ACSM5: variants seen among roughly 807,000 people sequenced by gnomAD.
ACSM5 encodes the protein acyl-CoA synthetase medium chain family member 5, also known as acyl-coenzyme A synthetase ACSM5, mitochondrial.
Under a neutral mutation model 71.6 loss-of-function variants are expected in ACSM5, and 56 were observed. That is an observed-to-expected ratio of 0.78 (90% confidence interval 0.63 to 0.98). The LOEUF is 0.98. Ranked by LOEUF, ACSM5 falls within the 50% of genes least tolerant of loss-of-function variation. The pLI is 0.00. For synonymous variants in ACSM5, 285 were observed against 281.5 expected, an observed-to-expected ratio of 1.01 and a Z score of -0.12; for missense variants, 723 against 726.0, an observed-to-expected ratio of 1.00 and a Z score of 0.05.
At chr16:20,411,339 G>A in intron 1 of ACSM5, 131 bp from the exon 2 acceptor site, 2 of 708,894 alleles carry the variant, frequency 2.8e-6, no homozygotes, top group Non-Finnish European at 4.7e-6. Flanking sequence ...ACTGAAGGTG[G>A]AGAGTTTATT....
chr16:20,419,435 G>A lies in ACSM5; in HGVS notation c.623G>A (p.Arg208Gln), dbSNP rs149196840. The A allele has an allele frequency of 4.6e-5, 74 of 1,613,796 alleles. No individual in the cohort carries two copies. In the South Asian group the frequency reaches 4.7e-4, roughly 10 times the overall value. Residue 208 changes from arginine (R) to glutamine (Q), a missense_variant and splice_region_variant, in exon 4 of 14, where the codon CGG becomes CAG. Coordinates refer to ENST00000331849, the MANE Select transcript of ACSM5 (RefSeq NM_017888.3). ...TGGTTGAACTTCAGGGAACTCCTCC[G>A]GTGAATTGGGGCTCTCCAGAACAGC... The part of the protein sequence containing the change: ...PGWLNFRELL[R>Q]EASTEHNCMR...
At chr16:20,417,023 C>A (rs377378493) in intron 2 of ACSM5, among the ~76,000 whole-genome samples, 536 of 129,738 alleles carry the variant, frequency 4.1e-3, no homozygotes, top group African/African-American at 4.4e-3. Context: ...AGTGGCATGG[C>A]AAAAAAAAAA....
intron 6 of ACSM5, among the ~76,000 whole-genome samples, chr16:20,425,605 A>G (rs564951021): frequency 6.6e-6 from 1 of 152,084 alleles, no homozygotes; most frequent in Admixed American, 6.5e-5. Flanking sequence ...CCAAGTCCCC[A>G]AAGTCCATTG....
chr16:20,423,637 G>A (rs573785095), intron 5 of ACSM5, among the ~76,000 whole-genome samples: 1 of 152,376 alleles, frequency 6.6e-6, no homozygotes, highest in African/African-American at 2.4e-5. Context: ...AGTGACCTTA[G>A]CACAGAGTAT....
chr16:20,421,100 C>T (rs1200324011), intron 4 of ACSM5, 158 bp from the exon 5 acceptor site: 3 of 807,394 alleles, frequency 3.7e-6, no homozygotes, highest in Non-Finnish European at 3.5e-6. Flanking sequence ...AGTACCTACC[C>T]CATGAGGTGG....
intron 6 of ACSM5, among the ~76,000 whole-genome samples, chr16:20,425,519 G>A (rs983703643): frequency 6.6e-6 from 1 of 152,084 alleles, no homozygotes; most frequent in African/African-American, 2.4e-5. Flanking sequence ...AGATTTTGGT[G>A]CACCCATCAC....
chr16:20,438,780 C>A lies in ACSM5; in HGVS notation c.1537-1020C>A, dbSNP rs1029290594. Among the ~76,000 whole-genome samples the A allele has an allele frequency of 8.0e-5, 12 of 150,428 alleles. No individual in the cohort carries two copies. The East Asian group carries it at 2.4e-3, about 30-fold the overall frequency. ...ATCATCCTGGCTAACACAGTGAAACCCCATCTCTACTAAAAATACTAAAAA... is the reference window on the plus strand; with the variant it reads ...ATCATCCTGGCTAACACAGTGAAACACCATCTCTACTAAAAATACTAAAAA... On this transcript the variant is annotated intron_variant, in intron 12 of 13. Coordinates refer to ENST00000331849, the MANE Select transcript of ACSM5 (RefSeq NM_017888.3).
rs144928537 is a variant in ACSM5, at chr16:20,419,361, C to T, written c.549C>T (p.Cys183=). The T allele has an allele frequency of 3.7e-5, 59 of 1,614,054 alleles. No homozygotes were observed. Among genetic ancestry groups the T allele is most frequent in the Non-Finnish European group, 4.9e-5 (58 of 1,180,036 alleles). ...APRVDAISAE[C]PSLQTKLLVS... is the part of the protein sequence containing the mutation. ...GGGTGGATGCCATCAGTGCCGAATGCCCCTCCCTCCAGACCAAGCTGCTGG... is the reference window on the plus strand; with the variant it reads ...GGGTGGATGCCATCAGTGCCGAATGTCCCTCCCTCCAGACCAAGCTGCTGG... The change falls in exon 4 of 14, where the codon TGC becomes TGT. Residue 183 remains cysteine, a synonymous_variant. Transcript: ENST00000331849.
intron 4 of ACSM5, among the ~76,000 whole-genome samples, chr16:20,420,587 C>T (rs576948801): frequency 2.0e-5 from 3 of 152,076 alleles, no homozygotes; most frequent in African/African-American, 2.4e-5. Context: ...GCAACAAAAG[C>T]GAAACACCAT....
In ACSM5 at chr16:20,431,951, A is replaced by ATAATAATAATAATAATAATAATAAT. The variant is rs1212880644; in HGVS notation, c.1308+630_1308+631insTAATAATAATAATAATAATAATAAT. Among the ~76,000 whole-genome samples the ATAATAATAATAATAATAATAATAAT allele has an allele frequency of 9.5e-4, 135 of 141,474 alleles. 6 individuals are homozygous for ATAATAATAATAATAATAATAATAAT. Among genetic ancestry groups the ATAATAATAATAATAATAATAATAAT allele is most frequent in the East Asian group, 6.0e-3 (28 of 4,640 alleles). The allele number at this position is 141,474 out of a possible 152,430, so 92.8% of individuals were successfully genotyped here. A position where few individuals can be genotyped will look rare whatever the true frequency, so the allele number is the denominator to read the frequency against. ...GGGAACGAGACTCCGTATCAAAAAAAAAAAATAATAATAATAATAAAATAA... is the reference window on the plus strand; with the variant it reads ...GGGAACGAGACTCCGTATCAAAAAAATAATAATAATAATAATAATAATAATAAAAATAATAATAATAATAAAATAA... On this transcript the variant is annotated intron_variant, in intron 10 of 13. Transcript: ENST00000331849.
intron 7 of ACSM5, 79 bp downstream of exon 7, chr16:20,427,946 T>G: frequency 9.8e-7 from 1 of 1,021,270 alleles, no homozygotes; most frequent in Non-Finnish European, 1.5e-6. Flanking sequence ...ACAACTACCC[T>G]CTCATTCCAA....
chr16:20,412,782 A>C (rs1173127622), intron 2 of ACSM5, among the ~76,000 whole-genome samples: 4 of 152,254 alleles, frequency 2.6e-5, no homozygotes, highest in Non-Finnish European at 5.9e-5. Flanking sequence ...AAAGCTGGAG[A>C]ATACAAAACT....
At chr16:20,415,349 T>G (rs1173345848) in intron 2 of ACSM5, among the ~76,000 whole-genome samples, 1 of 152,146 alleles carries the variant, frequency 6.6e-6, no homozygotes, top group Non-Finnish European at 1.5e-5. Context: ...CACAGAGAGC[T>G]TTTTGAAGAG....
chr16:20,428,578 C>A (rs749284834), intron 7 of ACSM5, among the ~76,000 whole-genome samples: 2 of 152,168 alleles, frequency 1.3e-5, no homozygotes, highest in African/African-American at 2.4e-5. Context: ...CATGAGGAGT[C>A]GTCCTCTCAT....
intron 7 of ACSM5, among the ~76,000 whole-genome samples, chr16:20,428,101 G>A (rs1005342604): frequency 5.9e-5 from 9 of 152,054 alleles, no homozygotes; most frequent in East Asian, 1.9e-4. Context: ...CAAGCTTCTG[G>A]CCCCCCAAAA....
intron 12 of ACSM5, among the ~76,000 whole-genome samples, chr16:20,438,933 C>T (rs953406991): frequency 2.4e-5 from 3 of 123,656 alleles, no homozygotes; most frequent in African/African-American, 9.4e-5. Flanking sequence ...CCAGCCTGGG[C>T]GACAGGGTGA....
Position 20,427,814 on chromosome 16 carries a change from C to A in ACSM5, c.948C>A (p.Thr316=). 1 of 1,613,956 alleles carries A rather than the reference C, an allele frequency of 6.2e-7. No homozygotes were observed. Among genetic ancestry groups the A allele is most frequent in the Non-Finnish European group, 8.5e-7 (1 of 1,179,860 alleles). The part of the protein sequence containing the change: ...LNTLSKFPIT[T]LCCVPTIFRL... ...CTCTCTCCAAATTCCCGATAACCAC[C>A]CTCTGCTGTGTCCCAACCATCTTTC... is the stretch of plus-strand genomic sequence containing the variant. The change falls in exon 7 of 14, where the codon ACC becomes ACA. Residue 316 remains threonine (T), a synonymous_variant. Coordinates refer to ENST00000331849, the MANE Select transcript of ACSM5 (RefSeq NM_017888.3).
chr16:20,435,495 T>C (rs1885058968), intron 10 of ACSM5, among the ~76,000 whole-genome samples: 1 of 152,220 alleles, frequency 6.6e-6, no homozygotes, highest in Non-Finnish European at 1.5e-5. Flanking sequence ...AGATATAATT[T>C]ACCTACAGTA....
intron 7 of ACSM5, among the ~76,000 whole-genome samples, chr16:20,429,185 T>C (rs1204950222): frequency 1.3e-5 from 2 of 151,982 alleles, no homozygotes; most frequent in Non-Finnish European, 2.9e-5. Context: ...TAATTTTTAG[T>C]ATTTTTCGGT....
Sources: gnomAD v4.1 joint callset for allele counts (sites outside exome capture counted in the v4.1 genomes callset) on GRCh38, gnomAD v4.1.1 for gene constraint, MANE v1.5 for transcripts, NCBI Gene and HGNC (gene_info 2026-07-23, HGNC 2026-07-21) for gene names.